PTPN9: variants seen among roughly 807,000 people sequenced by gnomAD.
The protein encoded by PTPN9 is protein tyrosine phosphatase non-receptor type 9.
In PTPN9, 26 loss-of-function variants were observed where a neutral mutation model predicts 69.8. The observed-to-expected ratio is 0.37, with a 90% CI of 0.27 to 0.52. The LOEUF is 0.52. Among genes scored for constraint, PTPN9 ranks in the 20% least tolerant of loss-of-function variants. The pLI is 0.91. For missense variants in PTPN9, 549 were observed against 740.3 expected (o/e 0.74, Z 3.00); for synonymous variants, 274 against 272.5 (o/e 1.01, Z -0.05).
At chr15:75,508,325 A>G (rs577793489) in intron 6 of PTPN9, among the ~76,000 whole-genome samples, 3 of 152,162 alleles carry the variant, frequency 2.0e-5, no homozygotes, top group Admixed American at 2.0e-4. Flanking sequence ...CGGACTCCCA[A>G]AGTGTTAGTA....
Position 75,468,751 on chromosome 15 carries a change from A to G in PTPN9, c.*18T>C. 1.2e-6 allele frequency: 2 copies of G among 1,609,590 alleles called. No homozygotes were observed. Among genetic ancestry groups the G allele is most frequent in the Non-Finnish European group, 1.7e-6 (2 of 1,177,334 alleles). On this transcript the variant is annotated 3_prime_UTR_variant, in exon 13 of 13. Transcript: ENST00000618819. ...GTTTAAGGAAGGCTGGCCAACAGGT[A>G]GGAGGTTCGTAGGAGAGTTACTGAC...
chr15:75,574,880 T>C (rs1015418790), intron 1 of PTPN9, among the ~76,000 whole-genome samples: 13 of 145,232 alleles, frequency 9.0e-5, no homozygotes, highest in African/African-American at 3.3e-4. Flanking sequence ...AGGCAGAGGT[T>C]GCAATGAGCC....
chr15:75,549,762 A>C (rs2075048960), intron 1 of PTPN9, among the ~76,000 whole-genome samples: 1 of 152,150 alleles, frequency 6.6e-6, no homozygotes, highest in South Asian at 2.1e-4. Flanking sequence ...ATTGCTTGAG[A>C]CCACGGGTTC....
In PTPN9 at chr15:75,578,964, C is replaced by T. The variant is rs917303818; in HGVS notation, c.-188G>A. 2 of 298,226 alleles carry T rather than the reference C, an allele frequency of 6.7e-6. No homozygotes were observed. Among genetic ancestry groups the T allele is most frequent in the Non-Finnish European group, 1.2e-5 (2 of 163,402 alleles). The allele number at this position is 298,226 out of a possible 1,614,324, so 18.5% of individuals were successfully genotyped here. ...TCTGCTTCCTTAAGAAAAATCTCTCCGAACTGCCGCTCTCTTCCGGGAGGA... is the reference window on the plus strand; with the variant it reads ...TCTGCTTCCTTAAGAAAAATCTCTCTGAACTGCCGCTCTCTTCCGGGAGGA... On this transcript the variant is annotated 5_prime_UTR_variant, in exon 1 of 13. Transcript: ENST00000618819.
At chr15:75,554,167 T>C (rs1229939851) in intron 1 of PTPN9, among the ~76,000 whole-genome samples, 1 of 150,736 alleles carries the variant, frequency 6.6e-6, no homozygotes, top group African/African-American at 2.4e-5. Context: ...TACAGGAGTA[T>C]GCCACCATGC....
chr15:75,504,551 A>G (rs1218921481), intron 7 of PTPN9, among the ~76,000 whole-genome samples: 54 of 98,916 alleles, frequency 5.5e-4, no homozygotes, highest in South Asian at 1.2e-3. Context: ...CGCCCCGTCC[A>G]GGAGGTGAGG....
At chr15:75,519,767 C>A (rs545546164) in intron 4 of PTPN9, among the ~76,000 whole-genome samples, 3 of 152,108 alleles carry the variant, frequency 2.0e-5, no homozygotes, top group African/African-American at 7.2e-5. Flanking sequence ...TCACTGCGCC[C>A]TGCCCTTGAC....
chr15:75,478,389 G>A (rs2074608971), intron 9 of PTPN9, among the ~76,000 whole-genome samples: 1 of 152,172 alleles, frequency 6.6e-6, no homozygotes, highest in South Asian at 2.1e-4. Context: ...ACAGGTGTGA[G>A]CCATTGTGAC....
intron 1 of PTPN9, among the ~76,000 whole-genome samples, chr15:75,532,627 G>C (rs968339355): frequency 6.6e-6 from 1 of 152,166 alleles, no homozygotes; most frequent in African/African-American, 2.4e-5. Context: ...TTAAGCACAG[G>C]AACAATTCCT....
At chr15:75,548,458 G>A (rs975294116) in intron 1 of PTPN9, among the ~76,000 whole-genome samples, 2 of 151,272 alleles carry the variant, frequency 1.3e-5, no homozygotes, top group African/African-American at 4.9e-5. Flanking sequence ...GTTTTGCCAT[G>A]TTGGCCAGGT....
chr15:75,504,257 T>G (rs1179583064), intron 7 of PTPN9, among the ~76,000 whole-genome samples: 7 of 78,070 alleles, frequency 9.0e-5, no homozygotes, highest in Non-Finnish European at 1.2e-4. Context: ...GGGAGGGAGG[T>G]GAGGTCAGCC....
intron 1 of PTPN9, chr15:75,570,224 C>A (rs1157042194): frequency 6.6e-6 from 1 of 152,148 alleles, no homozygotes; most frequent in Non-Finnish European, 1.5e-5. Flanking sequence ...AATAAGAGTT[C>A]TTCACCTTTC....
intron 1 of PTPN9, among the ~76,000 whole-genome samples, chr15:75,560,754 C>A (rs924378638): frequency 2.6e-5 from 4 of 152,200 alleles, no homozygotes; most frequent in Non-Finnish European, 5.9e-5. Context: ...GGCGCGGTGG[C>A]TCACACCTGT....
At chr15:75,484,784 C>G (rs2074664412) in intron 8 of PTPN9, among the ~76,000 whole-genome samples, 1 of 152,154 alleles carries the variant, frequency 6.6e-6, no homozygotes, top group African/African-American at 2.4e-5. Context: ...CTGACTCTTT[C>G]CTCAACCTAT....
rs533967351 is a variant in PTPN9, at chr15:75,475,516, T to C, written c.1130-1749A>G. Among the ~76,000 whole-genome samples the C allele has an allele frequency of 9.2e-5, 14 of 151,910 alleles. No individual in the cohort carries two copies. In the South Asian group the frequency reaches 2.9e-3, roughly 32 times the overall value. ...ATTGTTTGAACCCAGGAGGCGGAGG[T>C]TGCATTAATTGCATTAAACCAAGAT... is the stretch of plus-strand genomic sequence containing the variant. On this transcript the variant is annotated intron_variant, in intron 9 of 12. Coordinates refer to ENST00000618819, the MANE Select transcript of PTPN9 (RefSeq NM_002833.4).
In PTPN9 at chr15:75,527,179, T is replaced by C; in HGVS notation, c.146A>G (p.Lys49Arg). 6.2e-7 allele frequency: 1 copy of C among 1,614,188 alleles called. No homozygotes were observed. The highest frequency in any genetic ancestry group is 8.5e-7 in the Non-Finnish European group (1 of 1,180,036). Residue 49 changes from lysine to arginine, a missense_variant, in exon 2 of 13, where the codon AAG becomes AGG. By Grantham distance (26) the Lys-to-Arg change is conservative. Coordinates refer to ENST00000618819, the MANE Select transcript of PTPN9 (RefSeq NM_002833.4). ...ATCAAACTTCCTTGCCATGAGGAACTTGACAGCCACATTCCAAGACAGCGG... is the reference window on the plus strand; with the variant it reads ...ATCAAACTTCCTTGCCATGAGGAACCTGACAGCCACATTCCAAGACAGCGG... ...VSPLSWNVAV[K>R]FLMARKFDVL...
At chr15:75,543,491 C>T (rs2075018396) in intron 1 of PTPN9, among the ~76,000 whole-genome samples, 1 of 152,176 alleles carries the variant, frequency 6.6e-6, no homozygotes, top group Non-Finnish European at 1.5e-5. Flanking sequence ...ATAGTCTTTC[C>T]ACTTCACTAA....
chr15:75,529,029 C>G (rs2074943370), intron 1 of PTPN9, among the ~76,000 whole-genome samples: 1 of 151,854 alleles, frequency 6.6e-6, no homozygotes, highest in Admixed American at 6.6e-5. Flanking sequence ...CTCTGTCACC[C>G]AGGCTGGAGT....
chr15:75,521,654 T>G (rs1373037247), intron 4 of PTPN9, among the ~76,000 whole-genome samples: 1 of 148,868 alleles, frequency 6.7e-6, no homozygotes, highest in East Asian at 2.0e-4. Context: ...AAGACTGCAG[T>G]GAGCTACAAT....
Sources: allele counts gnomAD v4.1 joint callset (sites outside exome capture counted in the v4.1 genomes callset), GRCh38; gene constraint gnomAD v4.1.1; transcripts MANE v1.5; gene names NCBI Gene and HGNC (gene_info 2026-07-23, HGNC 2026-07-21).